The following SLC35E3 variants were observed in gnomAD, a reference collection of about 807,000 sequenced individuals.
SLC35E3 encodes solute carrier family 35 member E3, also known as bladder cancer-overexpressed gene 1 protein.
Under a neutral mutation model 30.8 loss-of-function variants are expected in SLC35E3, and 28 were observed. That is an observed-to-expected ratio of 0.91 (90% CI 0.67 to 1.25). SLC35E3 has a LOEUF of 1.25. SLC35E3 is among the 50% of genes most tolerant of loss of function. The pLI is 0.00. For missense variants in SLC35E3, 365 were observed against 375.4 expected, an observed-to-expected ratio of 0.97 and a Z score of 0.23; for synonymous variants, 146 against 149.2, an observed-to-expected ratio of 0.98 and a Z score of 0.16.
chr12:68,748,399 G>C (rs951378154), intron 2 of SLC35E3, among the ~76,000 whole-genome samples: 1 of 152,072 alleles, frequency 6.6e-6, no homozygotes, highest in African/African-American at 2.4e-5. Flanking sequence ...GAAGGAGTGA[G>C]TATACTTCCA....
Position 68,770,364 on chromosome 12 carries a change from A to G in SLC35E3, c.*5474A>G, listed in dbSNP as rs149435551. 2.6e-5 allele frequency: 4 copies of G among 152,468 alleles called. No individual in the cohort carries two copies. The East Asian group carries it at 7.7e-4, about 29-fold the overall frequency. The allele number at this position is 152,468 out of a possible 1,614,324, so 9.4% of individuals were successfully genotyped here. A position where few individuals can be genotyped will look rare whatever the true frequency, so the allele number is the denominator to read the frequency against. On this transcript the variant is annotated 3_prime_UTR_variant, in exon 5 of 5. Transcript: ENST00000398004. ...ACAGTAAATTTCTTTTTTTGAAATT[A>G]GTGGAGGAGAACCAGAGAGATGCCA... is the stretch of plus-strand genomic sequence containing the variant.
chr12:68,749,908 G>T (rs902865619), intron 2 of SLC35E3, among the ~76,000 whole-genome samples: 1 of 152,154 alleles, frequency 6.6e-6, no homozygotes, highest in African/African-American at 2.4e-5. Flanking sequence ...CACGCACCAG[G>T]AGAGGAGTTC....
rs139624872 is a variant in SLC35E3, at chr12:68,776,369, C to T, written c.*11479C>T. 8.9e-3 allele frequency: 1,352 copies of T among 151,958 alleles called. 14 individuals are homozygous for T. Among genetic ancestry groups the T allele is most frequent in the South Asian group, 0.021 (100 of 4,816 alleles). The allele number at this position is 151,958 out of a possible 1,614,324, so 9.4% of individuals were successfully genotyped here. On this transcript the variant is annotated 3_prime_UTR_variant, in exon 5 of 5. Transcript: ENST00000398004. ...ACTAAAAATACAAAAATTAGCTGGA[C>T]GTGGTGGCAGGCGCCTGTAATCCCA...
At position 68,746,204 on chromosome 12, in the gene SLC35E3, G is replaced by T; in HGVS notation, c.-174G>T. 2 of 532,470 alleles carry T rather than the reference G, an allele frequency of 3.8e-6. No homozygotes were observed. The highest frequency in any genetic ancestry group is 3.7e-5 in the Admixed American group (1 of 27,058). The allele number at this position is 532,470 out of a possible 1,614,324, so 33.0% of individuals were successfully genotyped here. On this transcript the variant is annotated 5_prime_UTR_variant, in exon 1 of 5. Coordinates refer to ENST00000398004, the MANE Select transcript of SLC35E3 (RefSeq NM_018656.5). ...CTAGCTGGCTTACAGGGCGGCGGCG[G>T]GGTGTGTGTCCTCTGTTAAGAGTGC...
chr12:68,767,159 A>C lies in SLC35E3; in HGVS notation c.*2269A>C, dbSNP rs1033483928. 6.6e-6 allele frequency: 1 copy of C among 152,338 alleles called. No homozygotes were observed. The allele number at this position is 152,338 out of a possible 1,614,324, so 9.4% of individuals were successfully genotyped here. Reference sequence around the variant, plus strand: ...TTTATGGAGTGCTACATGTTTGCAAAATGTATTTCTGCTTTTCATCTTCTT... The same window carrying C: ...TTTATGGAGTGCTACATGTTTGCAACATGTATTTCTGCTTTTCATCTTCTT... On this transcript the variant is annotated 3_prime_UTR_variant, in exon 5 of 5. Transcript: ENST00000398004.
At chr12:68,756,347 C>T (rs1271346741) in intron 3 of SLC35E3, among the ~76,000 whole-genome samples, 2 of 147,076 alleles carry the variant, frequency 1.4e-5, no homozygotes, top group East Asian at 3.9e-4. Context: ...CCACAGCAGG[C>T]TGAGGCCATT....
At position 68,746,544 on chromosome 12, in the gene SLC35E3, T is replaced by C. The variant is rs1878573588; in HGVS notation, c.167T>C (p.Leu56Pro). Reference sequence around the variant, plus strand: ...CTGGTGCACTTCGTGGTCACCTGGCTGGGCTTGTATATCTGCCAGAAGCTG... The same window carrying C: ...CTGGTGCACTTCGTGGTCACCTGGCCGGGCTTGTATATCTGCCAGAAGCTG... ...LTLVHFVVTW[L>P]GLYICQKLDI... Residue 56 changes from leucine to proline, a missense_variant, in exon 1 of 5, where the codon CTG becomes CCG. By Grantham distance (98) the Leu-to-Pro change is moderately conservative (BLOSUM62 -3). Coordinates refer to ENST00000398004, the MANE Select transcript of SLC35E3 (RefSeq NM_018656.5). The C allele has an allele frequency of 6.2e-7, 1 of 1,614,154 alleles. No homozygotes were observed. The highest frequency in any genetic ancestry group is 2.2e-5 in the East Asian group (1 of 44,906).
Position 68,772,010 on chromosome 12 carries a change from GT to G in SLC35E3, c.*7123del, listed in dbSNP as rs1879614242. 6.6e-6 allele frequency: 1 copy of G among 151,912 alleles called. No individual in the cohort carries two copies. Among genetic ancestry groups the G allele is most frequent in the Admixed American group, 6.6e-5 (1 of 15,210 alleles). 9.4% of individuals were successfully genotyped at this position (151,912 alleles called of 1,614,324 possible). A position where few individuals can be genotyped will look rare whatever the true frequency, so the allele number is the denominator to read the frequency against. ...TGAATAAATTAATCAGAAGGGTTTG[GT>G]TTGTTTGACCTTTTTTTTAATTTTA... is the stretch of plus-strand genomic sequence containing the variant. On this transcript the variant is annotated 3_prime_UTR_variant, in exon 5 of 5. Coordinates refer to ENST00000398004, the MANE Select transcript of SLC35E3 (RefSeq NM_018656.5).
At position 68,761,271 on chromosome 12, in the gene SLC35E3, C is replaced by T. The variant is rs891148908; in HGVS notation, c.755+2032C>T. Among the ~76,000 whole-genome samples the T allele has an allele frequency of 4.6e-5, 7 of 152,224 alleles. No individual in the cohort carries two copies. The South Asian group carries it at 6.2e-4, about 14-fold the overall frequency. ...ATTCTAATAGAAGCACTCAGTGGGCCGGGCACAATGGCACACCTGTCATTC... is the reference window on the plus strand; with the variant it reads ...ATTCTAATAGAAGCACTCAGTGGGCTGGGCACAATGGCACACCTGTCATTC... On this transcript the variant is annotated intron_variant, in intron 4 of 4. Coordinates refer to ENST00000398004, the MANE Select transcript of SLC35E3 (RefSeq NM_018656.5).
Position 68,772,396 on chromosome 12 carries a change from C to G in SLC35E3, c.*7506C>G, listed in dbSNP as rs776851492. On this transcript the variant is annotated 3_prime_UTR_variant, in exon 5 of 5. Coordinates refer to ENST00000398004, the MANE Select transcript of SLC35E3 (RefSeq NM_018656.5). Reference sequence around the variant, plus strand: ...ACAAGCATTTCTTTACTCATAGATACCATTTTTATAACTTATATGAGACGC... The same window carrying G: ...ACAAGCATTTCTTTACTCATAGATAGCATTTTTATAACTTATATGAGACGC... 7.9e-5 allele frequency: 12 copies of G among 152,042 alleles called. No individual in the cohort carries two copies. Among genetic ancestry groups the G allele is most frequent in the Non-Finnish European group, 1.3e-4 (9 of 68,012 alleles). The allele number at this position is 152,042 out of a possible 1,614,324, so 9.4% of individuals were successfully genotyped here.
intron 3 of SLC35E3, 114 bp from the exon 4 acceptor site, chr12:68,759,037 CTAATCT>C (rs1217094816): frequency 2.1e-5 from 17 of 805,226 alleles, no homozygotes; most frequent in Non-Finnish European, 3.4e-5. Context: ...CCCTCTCTTT[CTAATCT>C]TATTTATTAA....
intron 3 of SLC35E3, among the ~76,000 whole-genome samples, chr12:68,757,008 C>T (rs1279473668): frequency 6.6e-6 from 1 of 152,014 alleles, no homozygotes; most frequent in Non-Finnish European, 1.5e-5. Context: ...GAGTGAGACT[C>T]CAAATAAATA....
chr12:68,749,521 A>T (rs1269156953), intron 2 of SLC35E3, among the ~76,000 whole-genome samples: 2 of 152,166 alleles, frequency 1.3e-5, no homozygotes, highest in African/African-American at 4.8e-5. Flanking sequence ...GGATACAAAG[A>T]TGAAAAGCAG....
In SLC35E3 at chr12:68,768,692, A is replaced by G. The variant is rs1879523283; in HGVS notation, c.*3802A>G. ...ACCTCTTTTTACTTCTGTATTGCAT[A>G]TGAGAGCTGATGGAAGAAGGATGGC... On this transcript the variant is annotated 3_prime_UTR_variant, in exon 5 of 5. Transcript: ENST00000398004. 1 of 152,208 alleles carries G rather than the reference A, an allele frequency of 6.6e-6. No individual in the cohort carries two copies. The highest frequency in any genetic ancestry group is 2.4e-5 in the African/African-American group (1 of 41,454). The allele number at this position is 152,208 out of a possible 1,614,324, so 9.4% of individuals were successfully genotyped here. A position where few individuals can be genotyped will look rare whatever the true frequency, so the allele number is the denominator to read the frequency against.
chr12:68,753,142 G>A (rs1244783755), intron 3 of SLC35E3, among the ~76,000 whole-genome samples: 1 of 151,084 alleles, frequency 6.6e-6, no homozygotes, highest in Admixed American at 6.6e-5. Flanking sequence ...TTAGCTAAGT[G>A]TGATGGCATG....
At position 68,763,844 on chromosome 12, in the gene SLC35E3, G is replaced by A. The variant is rs536871677; in HGVS notation, c.756-860G>A. On this transcript the variant is annotated intron_variant, in intron 4 of 4. Transcript: ENST00000398004. ...AGTTAAATAGACCCATTCATGTTTG[G>A]ACTCCACCTCTGCTACTTAATAGCT... 2.6e-5 allele frequency among the ~76,000 whole-genome samples: 4 copies of A among 152,278 alleles called. No homozygotes were observed. In the South Asian group the frequency reaches 8.3e-4, roughly 32 times the overall value.
rs1592546341 is a variant in SLC35E3 at position 68,765,389 on chromosome 12, A to G, written c.*499A>G. The G allele has an allele frequency of 1.3e-5, 2 of 152,322 alleles. No individual in the cohort carries two copies. The highest frequency in any genetic ancestry group is 4.1e-4 in the South Asian group (2 of 4,836). 9.4% of individuals were successfully genotyped at this position (152,322 alleles called of 1,614,324 possible). A position where few individuals can be genotyped will look rare whatever the true frequency, so the allele number is the denominator to read the frequency against. On this transcript the variant is annotated 3_prime_UTR_variant, in exon 5 of 5. Coordinates refer to ENST00000398004, the MANE Select transcript of SLC35E3 (RefSeq NM_018656.5). ...AAAAACTTAATTCTCTAAAACCGAAATGGTTCATGCTTCTTTTTAAAAATG... is the reference window on the plus strand; with the variant it reads ...AAAAACTTAATTCTCTAAAACCGAAGTGGTTCATGCTTCTTTTTAAAAATG...
intron 3 of SLC35E3, among the ~76,000 whole-genome samples, chr12:68,754,595 G>A (rs1038924047): frequency 6.6e-6 from 1 of 151,944 alleles, no homozygotes; most frequent in African/African-American, 2.4e-5. Context: ...CGGTGTCTGT[G>A]TAATAGCCCC....
In SLC35E3 at chr12:68,746,430, T is replaced by C. The variant is rs1213637350; in HGVS notation, c.53T>C (p.Leu18Pro). Residue 18 changes from leucine to proline, a missense_variant, in exon 1 of 5, where the codon CTC (leucine) becomes CCC (proline). Transcript: ENST00000398004. The stretch of plus-strand genomic sequence containing the variant: ...GGCCACTGGCGAATCGCCGCCGGGC[T>C]CCTGTTCAACCTGCTGGTGTCCATC... ...VRGHWRIAAGLLFNLLVSICI... is the reference protein window; with the variant it reads ...VRGHWRIAAGPLFNLLVSICI... 5.0e-6 allele frequency: 8 copies of C among 1,612,756 alleles called. No individual in the cohort carries two copies. The highest frequency in any genetic ancestry group is 6.8e-6 in the Non-Finnish European group (8 of 1,179,250).
Sources: allele counts gnomAD v4.1 joint callset (sites outside exome capture counted in the v4.1 genomes callset), GRCh38; gene constraint gnomAD v4.1.1; transcripts MANE v1.5; gene names NCBI Gene and HGNC (gene_info 2026-07-23, HGNC 2026-07-21).